Variants in MYCBP2 observed in about 807,000 individuals in gnomAD.
MYCBP2 encodes E3 ubiquitin-protein ligase MYCBP2.
Under a neutral mutation model 525.3 loss-of-function variants are expected in MYCBP2, and 120 were observed. The observed-to-expected ratio is 0.23, with a 90% confidence interval of 0.20 to 0.27. The LOEUF (loss-of-function observed/expected upper bound fraction) is 0.27. Ranked by LOEUF, MYCBP2 falls within the 10% of genes least tolerant of loss-of-function variation. The probability of loss-of-function intolerance (pLI) is 1.00; values close to 1 mark genes in which losing one functional copy is unlikely to be tolerated. For synonymous variants in MYCBP2, 1,894 were observed against 1,955.8 expected, an observed-to-expected ratio of 0.97 and a Z score of 0.83; for missense variants, 4,149 against 5,657.1, an observed-to-expected ratio of 0.73 and a Z score of 8.55.
intron 1 of MYCBP2, among the ~76,000 whole-genome samples, chr13:77,318,526 C>T (rs2081228747): frequency 6.6e-6 from 1 of 152,184 alleles, no homozygotes; most frequent in African/African-American, 2.4e-5. Context: ...GAGAACGAGG[C>T]AGGCGGATCA....
intron 4 of MYCBP2, among the ~76,000 whole-genome samples, chr13:77,275,023 C>G (rs1187682660): frequency 6.6e-6 from 1 of 152,140 alleles, no homozygotes; most frequent in Non-Finnish European, 1.5e-5. Context: ...CATCCTTCCT[C>G]CAATTATTAT....
chr13:77,209,487 G>A (rs867635150), intron 23 of MYCBP2, among the ~76,000 whole-genome samples: 2 of 152,158 alleles, frequency 1.3e-5, no homozygotes, highest in African/African-American at 2.4e-5. Context: ...CTGCTCTTTG[G>A]TAACTAAGTC....
At chr13:77,281,802 A>G (rs957573839) in intron 3 of MYCBP2, among the ~76,000 whole-genome samples, 4 of 152,196 alleles carry the variant, frequency 2.6e-5, no homozygotes, top group African/African-American at 4.8e-5. Flanking sequence ...GTGATCATAA[A>G]AGTTTAGTTA....
At chr13:77,061,145 T>C (rs2039226043) in intron 76 of MYCBP2, 24 bp downstream of exon 76, 4 of 1,588,218 alleles carry the variant, frequency 2.5e-6, no homozygotes, top group Non-Finnish European at 3.4e-6. Flanking sequence ...TTTAAAGGCA[T>C]GGCTCAATCT....
At chr13:77,137,598 GT>G (rs370702547) in intron 52 of MYCBP2, among the ~76,000 whole-genome samples, 20 of 151,624 alleles carry the variant, frequency 1.3e-4, no homozygotes, top group Non-Finnish European at 1.5e-4. Flanking sequence ...ATATTTTTGT[GT>G]TTTTTTTGAG....
At chr13:77,047,977 T>C (rs1270631572) in intron 82 of MYCBP2, among the ~76,000 whole-genome samples, 1 of 152,140 alleles carries the variant, frequency 6.6e-6, no homozygotes, top group Non-Finnish European at 1.5e-5. Flanking sequence ...TTATTAAACT[T>C]TCGCTCTAAC....
At chr13:77,254,422 T>C (rs189939709) in intron 14 of MYCBP2, among the ~76,000 whole-genome samples, 23 of 151,980 alleles carry the variant, frequency 1.5e-4, no homozygotes, top group Admixed American at 1.4e-3. Context: ...AGAGACACAA[T>C]TTTTTAATAT....
In MYCBP2 at chr13:77,205,545, T is replaced by C; in HGVS notation, c.3643A>G (p.Thr1215Ala). ...ATTACTGCTTGAGTCTCTTCCTCTG[T>C]ACTTGCAACACCCATTTTTAAGTCC... Reference protein sequence around the residue: ...MQDLKMGVASTEEETQAVMKV... With the variant: ...MQDLKMGVASAEEETQAVMKV... The change falls in exon 25 of 83, where the codon ACA (threonine) becomes GCA (alanine). Residue 1215 changes from threonine to alanine, a missense_variant. Physicochemically the swap from Thr to Ala is moderately conservative, Grantham distance 58. Coordinates refer to ENST00000544440, the MANE Select transcript of MYCBP2 (RefSeq NM_015057.5). The C allele has an allele frequency of 6.2e-7, 1 of 1,613,702 alleles. No homozygotes were observed. Among genetic ancestry groups the C allele is most frequent in the Non-Finnish European group, 8.5e-7 (1 of 1,179,834 alleles).
At chr13:77,130,169 A>C (rs1392764345) in intron 52 of MYCBP2, among the ~76,000 whole-genome samples, 1 of 151,766 alleles carries the variant, frequency 6.6e-6, no homozygotes, top group Non-Finnish European at 1.5e-5. Flanking sequence ...TGCTTATGTA[A>C]ATATTATGAT....
chr13:77,218,881 A>G (rs1231414518), intron 20 of MYCBP2, among the ~76,000 whole-genome samples: 2 of 152,202 alleles, frequency 1.3e-5, no homozygotes, highest in Non-Finnish European at 2.9e-5. Context: ...TTTAAAAATT[A>G]TATAGTAGTT....
chr13:77,074,485 G>A (rs1396665559), intron 68 of MYCBP2, among the ~76,000 whole-genome samples: 6 of 152,144 alleles, frequency 3.9e-5, no homozygotes, highest in African/African-American at 1.4e-4. Flanking sequence ...TTCTCTGAAA[G>A]ATAAGACACA....
intron 23 of MYCBP2, among the ~76,000 whole-genome samples, chr13:77,208,463 A>C (rs1341888089): frequency 6.6e-6 from 1 of 152,242 alleles, no homozygotes; most frequent in South Asian, 2.1e-4. Context: ...TATTAAAAAA[A>C]ATCTAAAATG....
At chr13:77,095,696 T>A (rs2046131986) in intron 57 of MYCBP2, 94 bp from the exon 58 acceptor site, 1 of 1,380,680 alleles carries the variant, frequency 7.2e-7, no homozygotes. Context: ...ATAAAAATTA[T>A]TAAACACTTG....
intron 17 of MYCBP2, among the ~76,000 whole-genome samples, chr13:77,235,148 G>T (rs555748703): frequency 6.6e-6 from 1 of 151,806 alleles, no homozygotes; most frequent in East Asian, 1.9e-4. Context: ...TGAATATAAT[G>T]ACAAAGATAC....
chr13:77,103,927 CACAA>C (rs900403060), intron 55 of MYCBP2, among the ~76,000 whole-genome samples: 1 of 151,952 alleles, frequency 6.6e-6, no homozygotes, highest in South Asian at 2.1e-4. Flanking sequence ...CGTGTCACAA[CACAA>C]ACAAAGCAAA....
intron 1 of MYCBP2, among the ~76,000 whole-genome samples, chr13:77,299,595 C>G (rs971676926): frequency 6.6e-6 from 1 of 152,132 alleles, no homozygotes; most frequent in Non-Finnish European, 1.5e-5. Context: ...CATTATATCT[C>G]TATATTTGAG....
At chr13:77,143,968 T>C (rs1051268105) in intron 49 of MYCBP2, 1 of 174,302 alleles carries the variant, frequency 5.7e-6, no homozygotes, top group African/African-American at 2.4e-5. Context: ...ATGAGGTACA[T>C]GACTGTATAG....
intron 1 of MYCBP2, among the ~76,000 whole-genome samples, chr13:77,303,515 G>C (rs139872031): frequency 1.4e-3 from 214 of 152,088 alleles, no homozygotes; most frequent in African/African-American, 4.9e-3. Flanking sequence ...GAATGATAAG[G>C]TAATTCTCTG....
chr13:77,257,568 A>G (rs1002737776), intron 14 of MYCBP2, 103 bp downstream of exon 14: 7 of 1,176,344 alleles, frequency 6.0e-6, no homozygotes, highest in Non-Finnish European at 8.0e-6. Context: ...AAAGAAAAAG[A>G]AGAGCCACTC....
Sources: allele counts gnomAD v4.1 joint callset (sites outside exome capture counted in the v4.1 genomes callset), GRCh38; gene constraint gnomAD v4.1.1; transcripts MANE v1.5; gene names NCBI Gene and HGNC (gene_info 2026-07-23, HGNC 2026-07-21).